The following SOS2 variants were observed in gnomAD, a reference collection of about 807,000 sequenced individuals.
The protein encoded by SOS2 is SOS Ras/Rho guanine nucleotide exchange factor 2, also known as son of sevenless homolog 2.
Under a neutral mutation model 148.2 loss-of-function variants are expected in SOS2, and 65 were observed. That is an observed-to-expected ratio of 0.44 (90% CI 0.36 to 0.54). SOS2 has a LOEUF of 0.54. SOS2 is among the 20% of genes least tolerant of loss of function. The probability of loss-of-function intolerance (pLI) is 0.00; values close to 1 mark genes in which losing one functional copy is unlikely to be tolerated. For missense variants in SOS2, 1,341 were observed against 1,590.2 expected (o/e 0.84, Z 2.67); for synonymous variants, 539 against 537.1 (o/e 1.00, Z -0.05).
intron 1 of SOS2, among the ~76,000 whole-genome samples, chr14:50,220,229 T>C (rs1887159201): frequency 6.7e-6 from 1 of 148,462 alleles, no homozygotes; most frequent in Non-Finnish European, 1.5e-5. Flanking sequence ...TGAAACCCCA[T>C]CTCTACTAAA....
chr14:50,174,116 T>C (rs1885450776), intron 8 of SOS2, among the ~76,000 whole-genome samples: 1 of 152,124 alleles, frequency 6.6e-6, no homozygotes, highest in Non-Finnish European at 1.5e-5. Flanking sequence ...CTCCAAACCC[T>C]CTTAGCCAAT....
intron 11 of SOS2, among the ~76,000 whole-genome samples, chr14:50,157,596 G>GC (rs1284342489): frequency 2.0e-5 from 3 of 152,086 alleles, no homozygotes; most frequent in Non-Finnish European, 4.4e-5. Context: ...AGGAAATACA[G>GC]CTAAACTATA....
At chr14:50,153,044 TTCAA>T (rs1335747792) in intron 13 of SOS2, 22 bp downstream of exon 13, 1 of 1,093,856 alleles carries the variant, frequency 9.1e-7, no homozygotes. Flanking sequence ...CAATATAAGA[TTCAA>T]TCAAACCTTT....
chr14:50,121,664 C>T (rs1427344747), intron 21 of SOS2, among the ~76,000 whole-genome samples: 1 of 148,868 alleles, frequency 6.7e-6, no homozygotes, highest in East Asian at 2.0e-4. Context: ...TATGAGACAT[C>T]CAAGTAGATA....
chr14:50,218,712 T>C (rs551548436), intron 1 of SOS2, among the ~76,000 whole-genome samples: 16 of 152,314 alleles, frequency 1.1e-4, no homozygotes, highest in South Asian at 8.3e-4. Flanking sequence ...GCTATTAGAA[T>C]GGCTAAAATT....
intron 7 of SOS2, among the ~76,000 whole-genome samples, chr14:50,178,686 A>G (rs1367216598): frequency 0.19 from 2,593 of 13,706 alleles, 130 homozygotes; most frequent in African/African-American, 0.32. Flanking sequence ...ATATATATAT[A>G]TATATATATA....
At chr14:50,187,124 C>A (rs1034043707) in intron 5 of SOS2, among the ~76,000 whole-genome samples, 1 of 151,814 alleles carries the variant, frequency 6.6e-6, no homozygotes, top group African/African-American at 2.4e-5. Flanking sequence ...AAATCTCTCA[C>A]TTCAGCCTCC....
intron 1 of SOS2, among the ~76,000 whole-genome samples, chr14:50,210,734 C>T (rs1037148667): frequency 1.7e-4 from 26 of 151,224 alleles, no homozygotes; most frequent in African/African-American, 6.3e-4. Context: ...GGCAAAAAAC[C>T]CTTAAACTAG....
chr14:50,120,620 C>T (rs1025363096), intron 21 of SOS2, among the ~76,000 whole-genome samples: 1 of 151,476 alleles, frequency 6.6e-6, no homozygotes, highest in African/African-American at 2.4e-5. Context: ...TGAAGGTGTA[C>T]TATTTAATTA....
intron 4 of SOS2, among the ~76,000 whole-genome samples, chr14:50,190,181 CT>C (rs79900820): frequency 4.0e-5 from 6 of 151,840 alleles, no homozygotes; most frequent in South Asian, 2.1e-4. Context: ...ATTAATAATA[CT>C]TTTTTTTAAA....
chr14:50,159,501 A>G lies in SOS2; in HGVS notation c.1782T>C (p.Ser594=). The G allele has an allele frequency of 6.2e-7, 1 of 1,613,040 alleles. No individual in the cohort carries two copies. The highest frequency in any genetic ancestry group is 1.7e-5 in the Admixed American group (1 of 59,992). The change falls in exon 10 of 23, where the codon AGT becomes AGC. Residue 594 remains serine (S), a synonymous_variant. Coordinates refer to ENST00000216373, the MANE Select transcript of SOS2 (RefSeq NM_006939.4). ...IVFEDNLQSR[S]GIPIIKGGTV... ...TTCCTCCTTTAATAATGGGGATGCCACTTCTACTTTGCAAGTTGTCTTCAA... is the reference window on the plus strand; with the variant it reads ...TTCCTCCTTTAATAATGGGGATGCCGCTTCTACTTTGCAAGTTGTCTTCAA...
chr14:50,188,589 C>A lies in SOS2; in HGVS notation c.622G>T (p.Ala208Ser), dbSNP rs61755579. ...NYYDLVRTEI[A>S]EERQYLRELN... ...TCCCGTAGATACTGTCTTTCTTCTG[C>A]GATTTCAGTTCTGACAAGATCATAG... The change falls in exon 5 of 23, where the codon GCA becomes TCA. Residue 208 changes from alanine to serine, a missense_variant. Physicochemically the swap from Ala to Ser is moderately conservative, Grantham distance 99 (BLOSUM62 1). Coordinates refer to ENST00000216373, the MANE Select transcript of SOS2 (RefSeq NM_006939.4). The A allele has an allele frequency of 2.6e-5, 42 of 1,606,962 alleles. No individual in the cohort carries two copies. The East Asian group carries it at 3.1e-4, about 12-fold the overall frequency.
In SOS2 at chr14:50,231,529, GGGCGACCCCGGGC is replaced by G. The variant is rs1490098202; in HGVS notation, c.-259_-247del. On this transcript the variant is annotated 5_prime_UTR_variant, in exon 1 of 23. Coordinates refer to ENST00000216373, the MANE Select transcript of SOS2 (RefSeq NM_006939.4). ...AGGAAGCGCGGCGACCCGCAAGCCC[GGGCGACCCCGGGC>G]GGCGACCTCCTTTCCCGGCGGCGCT... 1 of 151,678 alleles carries G rather than the reference GGGCGACCCCGGGC, an allele frequency of 6.6e-6. No homozygotes were observed. The highest frequency in any genetic ancestry group is 1.5e-5 in the Non-Finnish European group (1 of 67,922). 9.4% of individuals were successfully genotyped at this position (151,678 alleles called of 1,614,324 possible). A position where few individuals can be genotyped will look rare whatever the true frequency, so the allele number is the denominator to read the frequency against.
At chr14:50,145,045 C>T in intron 16 of SOS2, 125 bp downstream of exon 16, 1 of 425,702 alleles carries the variant, frequency 2.3e-6, no homozygotes, top group Admixed American at 4.2e-5. Flanking sequence ...ATATTTATAT[C>T]ATATTTATGA....
chr14:50,151,830 C>T (rs540939252), intron 13 of SOS2, among the ~76,000 whole-genome samples: 3 of 152,148 alleles, frequency 2.0e-5, no homozygotes, highest in East Asian at 1.9e-4. Flanking sequence ...TAAAAGTGAT[C>T]GCTTCACCTC....
intron 16 of SOS2, among the ~76,000 whole-genome samples, chr14:50,140,837 C>T (rs1178419502): frequency 2.0e-5 from 3 of 152,138 alleles, no homozygotes; most frequent in Non-Finnish European, 4.4e-5. Flanking sequence ...ATCAGCAATG[C>T]TGCTATATAT....
chr14:50,209,274 C>CGTGGGTGTGTGTGTGTGTGTGTGTGT (rs1886780668), intron 1 of SOS2, among the ~76,000 whole-genome samples: 1 of 118,276 alleles, frequency 8.5e-6, no homozygotes, highest in Non-Finnish European at 1.9e-5. Context: ...CCTTAAATGT[C>CGTGGGTGTGTGTGTGTGTGTGTGTGT]GTGTGTGTGT....
At chr14:50,202,915 G>A (rs1407312265) in intron 2 of SOS2, among the ~76,000 whole-genome samples, 1 of 152,164 alleles carries the variant, frequency 6.6e-6, no homozygotes, top group African/African-American at 2.4e-5. Flanking sequence ...CAGCACTTTG[G>A]AAGGCTGAGG....
chr14:50,192,215 A>G (rs541210890), intron 4 of SOS2, among the ~76,000 whole-genome samples: 1 of 151,096 alleles, frequency 6.6e-6, no homozygotes, highest in Non-Finnish European at 1.5e-5. Flanking sequence ...ATGGAGTAAT[A>G]CTACCATGAA....
Sources: allele counts gnomAD v4.1 joint callset (sites outside exome capture counted in the v4.1 genomes callset), GRCh38; gene constraint gnomAD v4.1.1; transcripts MANE v1.5; gene names NCBI Gene and HGNC (gene_info 2026-07-23, HGNC 2026-07-21).